CLCN7: variants seen among roughly 807,000 people sequenced by gnomAD.
CLCN7 encodes the protein Cl-/H+ antiporter 7, also known as H(+)/Cl(-) exchange transporter 7.
CLCN7 carries 60 observed loss-of-function variants against 102.1 expected under a neutral mutation model. The observed-to-expected ratio is 0.59, with a 90% CI of 0.48 to 0.73. The LOEUF (loss-of-function observed/expected upper bound fraction) is 0.73. Among genes scored for constraint, CLCN7 ranks in the 30% least tolerant of loss-of-function variants. CLCN7 has a pLI of 0.00. For synonymous variants in CLCN7, 560 were observed against 490.5 expected (o/e 1.14, Z -1.87); for missense variants, 962 against 1,125.7 (o/e 0.85, Z 2.08).
chr16:1,458,230 G>A (rs2038870765), intron 7 of CLCN7, among the ~76,000 whole-genome samples: 2 of 152,204 alleles, frequency 1.3e-5, no homozygotes, highest in South Asian at 2.1e-4. Flanking sequence ...CTCTCCACCT[G>A]AGAAGGTGTG....
intron 1 of CLCN7, among the ~76,000 whole-genome samples, chr16:1,469,828 ATGAG>A (rs2039052348): frequency 6.6e-6 from 1 of 152,262 alleles, no homozygotes; most frequent in African/African-American, 2.4e-5. Context: ...GTGCCGATGG[ATGAG>A]TGAGTCAAGG....
At chr16:1,468,584 C>T (rs527490567) in intron 1 of CLCN7, among the ~76,000 whole-genome samples, 2 of 152,324 alleles carry the variant, frequency 1.3e-5, no homozygotes, top group African/African-American at 4.8e-5. Flanking sequence ...TACACGGTCC[C>T]AAGCGCCGGA....
chr16:1,453,557 C>T (rs1028123801), intron 14 of CLCN7, among the ~76,000 whole-genome samples: 11 of 152,348 alleles, frequency 7.2e-5, no homozygotes, highest in East Asian at 1.9e-4. Flanking sequence ...GGGCATGCCT[C>T]GCCCAGGCCC....
Position 1,451,662 on chromosome 16 carries a change from G to C in CLCN7, c.1408C>G (p.Pro470Ala), listed in dbSNP as rs1413976002. ...NSMAAAFFNT[P>A]EKSVVSLFHD... ...AAGAGGCTCACCACGCTCTTCTCCG[G>C]GGTGTTGAAGAAGGCCGCAGCCATG... The change falls in exon 16 of 25, where the codon CCG (proline) becomes GCG (alanine). Residue 470 changes from proline to alanine, a missense_variant. Around this residue, in one of 2 missense-constraint regions of CLCN7, gnomAD observed 799 missense variants for 988.0 expected, o/e 0.81. Transcript: ENST00000382745. The C allele has an allele frequency of 1.2e-6, 2 of 1,612,668 alleles. No individual in the cohort carries two copies. Among genetic ancestry groups the C allele is most frequent in the Non-Finnish European group, 1.7e-6 (2 of 1,179,942 alleles).
At chr16:1,460,620 A>G (rs1451842055) in intron 5 of CLCN7, 93 bp from the exon 6 acceptor site, 27 of 1,292,396 alleles carry the variant, frequency 2.1e-5, no homozygotes, top group Non-Finnish European at 2.4e-5. Context: ...GGCAGATGCC[A>G]CCCTGCTGGG....
At chr16:1,450,459 C>G in intron 17 of CLCN7, 38 bp downstream of exon 17, 1 of 1,557,948 alleles carries the variant, frequency 6.4e-7, no homozygotes, top group Non-Finnish European at 8.7e-7. Context: ...CCTGGCTCAG[C>G]TGCAGGGCCC....
intron 11 of CLCN7, chr16:1,455,523 C>T: frequency 1.5e-6 from 1 of 682,094 alleles, no homozygotes; most frequent in South Asian, 1.7e-5. Flanking sequence ...CCGGGAGCCA[C>T]CCAGGGCTGG....
At position 1,446,517 on chromosome 16, in the gene CLCN7, C is replaced by G. The variant is rs778416836; in HGVS notation, c.*114G>C. 2.0e-6 allele frequency: 2 copies of G among 979,022 alleles called. No homozygotes were observed. The highest frequency in any genetic ancestry group is 3.2e-6 in the Non-Finnish European group (2 of 632,078). 60.6% of individuals were successfully genotyped at this position (979,022 alleles called of 1,614,324 possible). On this transcript the variant is annotated 3_prime_UTR_variant, in exon 25 of 25. Transcript: ENST00000382745. The stretch of plus-strand genomic sequence containing the variant: ...CCTGCCCGCCCAGCTGCAGGGTGCT[C>G]GCCATTGCCACTGCTGGGGAGCATG...
intron 1 of CLCN7, among the ~76,000 whole-genome samples, chr16:1,472,845 T>C (rs575009326): frequency 6.8e-6 from 1 of 147,168 alleles, no homozygotes; most frequent in African/African-American, 2.5e-5. Flanking sequence ...TCACTGCAGC[T>C]TCAACCTCCT....
rs375685819 is a variant in CLCN7 at position 1,457,669 on chromosome 16, G to A, written c.738+25C>T. 6.8e-6 allele frequency: 11 copies of A among 1,612,160 alleles called. No homozygotes were observed. The African/African-American group carries it at 1.3e-4, about 20-fold the overall frequency. On this transcript the variant is annotated intron_variant, in intron 8 of 24. Transcript: ENST00000382745. The surrounding 1 kb of genome is among the most constrained non-coding windows in gnomAD (Gnocchi z 5.4). ...GGCCCGGCGGCCTCAGGCTCCAGCT[G>A]GAGTGGCCATGTGCACTTTGTTACC...
intron 1 of CLCN7, among the ~76,000 whole-genome samples, chr16:1,469,884 G>A (rs1262731045): frequency 2.0e-5 from 3 of 152,192 alleles, no homozygotes; most frequent in African/African-American, 4.8e-5. Flanking sequence ...CAGCCATAAA[G>A]AGGAATGACC....
At chr16:1,456,057 T>A (rs2038830259) in intron 10 of CLCN7, 56 bp downstream of exon 10, 1 of 1,400,186 alleles carries the variant, frequency 7.1e-7, no homozygotes, top group Non-Finnish European at 9.8e-7. Context: ...AGGAGACCGT[T>A]CCTTCCAACA....
At chr16:1,458,190 C>T (rs986550893) in intron 7 of CLCN7, among the ~76,000 whole-genome samples, 1 of 152,224 alleles carries the variant, frequency 6.6e-6, no homozygotes, top group Non-Finnish European at 1.5e-5. Flanking sequence ...CCTCTCCCTT[C>T]GGCTGCTCCC....
Position 1,445,891 on chromosome 16 carries a change from T to C in CLCN7, c.*740A>G. On this transcript the variant is annotated 3_prime_UTR_variant, in exon 25 of 25. Transcript: ENST00000382745. The stretch of plus-strand genomic sequence containing the variant: ...GGTGTGGGGCCCAGACTCCAAGCTC[T>C]GGGGGTTGGGGGACCAAGGCAGGGC... 4.8e-6 allele frequency: 1 copy of C among 207,746 alleles called. No homozygotes were observed. The highest frequency in any genetic ancestry group is 9.6e-6 in the Non-Finnish European group (1 of 103,878). The allele number at this position is 207,746 out of a possible 1,614,324, so 12.9% of individuals were successfully genotyped here.
intron 22 of CLCN7, 39 bp from the exon 23 acceptor site, chr16:1,447,607 C>A: frequency 6.4e-7 from 1 of 1,551,696 alleles, no homozygotes; most frequent in Non-Finnish European, 8.7e-7. Context: ...ACCCAGGCAG[C>A]ACCCCCGGGG....
rs1183498913 is a variant in CLCN7, at chr16:1,461,265, A to T, written c.351+140T>A. ...CCCTCCCACTGTCTCTAGAAACCAG[A>T]CGAACCACAGGCCTCAGAGGCGGAG... On this transcript the variant is annotated intron_variant, in intron 4 of 24. Coordinates refer to ENST00000382745, the MANE Select transcript of CLCN7 (RefSeq NM_001287.6). 27 of 816,734 alleles carry T rather than the reference A, an allele frequency of 3.3e-5. No homozygotes were observed. In the South Asian group the frequency reaches 3.7e-4, roughly 11 times the overall value. The allele number at this position is 816,734 out of a possible 1,614,324, so 50.6% of individuals were successfully genotyped here.
At position 1,465,236 on chromosome 16, in the gene CLCN7, TG is replaced by T. The variant is rs748239836; in HGVS notation, c.213+30del. 3 of 1,602,394 alleles carry T rather than the reference TG, an allele frequency of 1.9e-6. No individual in the cohort carries two copies. In the Admixed American group the frequency reaches 5.0e-5, roughly 27 times the overall value. On this transcript the variant is annotated intron_variant, in intron 2 of 24. Transcript: ENST00000382745. ...CCCTCTGCTAAGATGCAGCTAGCTC[TG>T]CGGGAGGACGGGGAACACCCCCAAC...
chr16:1,464,811 G>A (rs1235003162), intron 2 of CLCN7, among the ~76,000 whole-genome samples: 13 of 152,246 alleles, frequency 8.5e-5, no homozygotes, highest in Non-Finnish European at 1.8e-4. Flanking sequence ...GAAAAACCGA[G>A]GCCGGCGGGA....
At position 1,452,428 on chromosome 16, in the gene CLCN7, C is replaced by T. The variant is rs1042320724; in HGVS notation, c.1353+327G>A. On this transcript the variant is annotated intron_variant, in intron 15 of 24. Coordinates refer to ENST00000382745, the MANE Select transcript of CLCN7 (RefSeq NM_001287.6). Reference sequence around the variant, plus strand: ...CGCCAGGCACAGGTCCAGTTGTGGACGGAGGTTTGCATTTCTCCTGGGTCC... The same window carrying T: ...CGCCAGGCACAGGTCCAGTTGTGGATGGAGGTTTGCATTTCTCCTGGGTCC... The T allele has an allele frequency of 3.1e-5, 12 of 390,376 alleles. 1 individual carries two copies. The highest frequency in any genetic ancestry group is 1.4e-4 in the African/African-American group (7 of 49,144). 24.2% of individuals were successfully genotyped at this position (390,376 alleles called of 1,614,324 possible).
Sources: gnomAD v4.1 joint callset for allele counts (sites outside exome capture counted in the v4.1 genomes callset) on GRCh38, gnomAD v4.1.1 for gene constraint, gnomAD v4.1.1 regional missense constraint, Gnocchi (gnomAD v3.1) non-coding constraint, MANE v1.5 for transcripts, NCBI Gene and HGNC (gene_info 2026-07-23, HGNC 2026-07-21) for gene names.